Variants in DMD observed in about 807,000 individuals in gnomAD.
The protein encoded by DMD is dystrophin.
In DMD, 63 loss-of-function variants were observed where a neutral mutation model predicts 330.1. That is an observed-to-expected ratio of 0.19 (90% CI 0.16 to 0.24). DMD has a LOEUF of 0.24. DMD is among the 10% of genes least tolerant of loss of function. DMD has a pLI of 1.00. For missense variants in DMD, 3,344 were observed against 2,684.1 expected (o/e 1.25, Z -5.43); for synonymous variants, 1,223 against 959.8 (o/e 1.27, Z -5.07).
At chrX:32,723,717 G>T (rs1046276064) in intron 7 of DMD, among the ~76,000 whole-genome samples, 2 of 110,888 alleles carry the variant, frequency 1.8e-5, no homozygotes, top group African/African-American at 6.5e-5. Flanking sequence ...TAATTTGGTT[G>T]AATTCAGTAA....
chrX:32,283,054 G>A (rs950321658), intron 43 of DMD, among the ~76,000 whole-genome samples: 3 of 111,850 alleles, frequency 2.7e-5, no homozygotes, highest in African/African-American at 9.7e-5. Context: ...GGCCATGAGT[G>A]TTCTTGGGAG....
At chrX:31,512,785 T>C (rs1437243522) in intron 55 of DMD, among the ~76,000 whole-genome samples, 3 of 111,533 alleles carry the variant, frequency 2.7e-5, no homozygotes, top group African/African-American at 3.3e-5. Flanking sequence ...TCCAGCTTTG[T>C]TCTTTTGGCT....
At chrX:32,870,981 A>AAAAAAAAAGAAAAAAAAAG (rs1569537090) in intron 2 of DMD, among the ~76,000 whole-genome samples, 1 of 82,571 alleles carries the variant, frequency 1.2e-5, no homozygotes, top group East Asian at 3.9e-4. Flanking sequence ...AAAAAAAAAA[A>AAAAAAAAAGAAAAAAAAAG]AAAAAAACCA....
intron 12 of DMD, among the ~76,000 whole-genome samples, chrX:32,601,928 T>A (rs1300496784): frequency 8.9e-6 from 1 of 111,902 alleles, no homozygotes; most frequent in Non-Finnish European, 1.9e-5. Flanking sequence ...TATATCAAAG[T>A]TTTGAAACTA....
intron 52 of DMD, among the ~76,000 whole-genome samples, chrX:31,695,702 T>C (rs751613678): frequency 9.0e-6 from 1 of 111,333 alleles, no homozygotes; most frequent in Non-Finnish European, 1.9e-5. Flanking sequence ...ATCTCATTTG[T>C]ATGTGCAGTT....
intron 2 of DMD, among the ~76,000 whole-genome samples, chrX:32,869,721 T>C (rs1351034500): frequency 9.1e-6 from 1 of 109,768 alleles, no homozygotes; most frequent in African/African-American, 3.3e-5. Flanking sequence ...AAGGAATGAA[T>C]AGACGCAGAA....
chrX:32,660,902 TTAAGATAACA>T (rs2060900061), intron 9 of DMD, among the ~76,000 whole-genome samples: 1 of 111,461 alleles, frequency 9.0e-6, no homozygotes, highest in Non-Finnish European at 1.9e-5. Flanking sequence ...ATTCTACTAC[TTAAGATAACA>T]TAATCTATAA....
Position 31,138,749 on chromosome X carries a change from C to G in DMD, c.10922-4555G>C, listed in dbSNP as rs749536235. ...TCTCCTGAGAACTCACTCACTATCA[C>G]GAGAACAGCATGGGGGAAAACTTCT... On this transcript the variant is annotated intron_variant, in intron 76 of 78. Coordinates refer to ENST00000357033, the MANE Select transcript of DMD (RefSeq NM_004006.3). 2.7e-5 allele frequency among the ~76,000 whole-genome samples: 3 copies of G among 109,206 alleles called. No homozygotes were observed. In the South Asian group the frequency reaches 1.2e-3, roughly 45 times the overall value. The allele number at this position is 109,206 out of a possible 115,157, so 94.8% of individuals were successfully genotyped here. A position where few individuals can be genotyped will look rare whatever the true frequency, so the allele number is the denominator to read the frequency against.
chrX:32,044,424 A>T (rs1169339742), intron 44 of DMD, among the ~76,000 whole-genome samples: 1 of 97,455 alleles, frequency 1.0e-5, no homozygotes, highest in Admixed American at 1.2e-4. Flanking sequence ...TTATTTATTT[A>T]TTTAATTTTT....
intron 55 of DMD, among the ~76,000 whole-genome samples, chrX:31,538,995 G>A (rs988673001): frequency 8.9e-6 from 1 of 112,009 alleles, no homozygotes; most frequent in Non-Finnish European, 1.9e-5. Context: ...TCTTCATGGT[G>A]AGGGATGATT....
intron 44 of DMD, among the ~76,000 whole-genome samples, chrX:32,010,781 G>A (rs771928142): frequency 2.7e-5 from 3 of 111,996 alleles, no homozygotes; most frequent in East Asian, 2.8e-4. Flanking sequence ...TTATCCTAAC[G>A]TATGATAATA....
intron 6 of DMD, among the ~76,000 whole-genome samples, chrX:32,815,520 T>TATATATATATATATATATACACAC: frequency 1.3e-4 from 10 of 78,918 alleles, no homozygotes; most frequent in African/African-American, 4.8e-4. Context: ...TATATATATA[T>TATATATATATATATATATACACAC]ACACACACAC....
At chrX:32,704,292 C>T (rs779065111) in intron 7 of DMD, among the ~76,000 whole-genome samples, 9 of 90,648 alleles carry the variant, frequency 9.9e-5, no homozygotes, top group African/African-American at 5.9e-4. Context: ...GACCAAGTAT[C>T]GCACAAAGTT....
In DMD at chrX:31,994,937, G is replaced by A. The variant is rs200139851; in HGVS notation, c.6439-26423C>T. Among the ~76,000 whole-genome samples the A allele has an allele frequency of 6.2e-5, 7 of 112,075 alleles. No individual in the cohort carries two copies. The East Asian group carries it at 2.0e-3, about 32-fold the overall frequency. On this transcript the variant is annotated intron_variant, in intron 44 of 78. Coordinates refer to ENST00000357033, the MANE Select transcript of DMD (RefSeq NM_004006.3). ...TTGTCACTTGGTTCTCAAAGTGAAC[G>A]CGAAAGAAACTGAAGAATTCAAAGG... is the stretch of plus-strand genomic sequence containing the variant.
At chrX:32,095,703 TTTAA>T (rs1168631128) in intron 44 of DMD, among the ~76,000 whole-genome samples, 1 of 112,075 alleles carries the variant, frequency 8.9e-6, no homozygotes, top group Admixed American at 9.5e-5. Context: ...AATCTTGCAT[TTTAA>T]TTGTTGCTCC....
At chrX:33,282,721 T>C (rs1376467035) in intron 1 of DMD, among the ~76,000 whole-genome samples, 2 of 112,114 alleles carry the variant, frequency 1.8e-5, no homozygotes, top group Non-Finnish European at 3.8e-5. Flanking sequence ...TCCCATTCAA[T>C]AGCCCTTGCC....
chrX:32,405,840 G>T (rs1420861530), intron 30 of DMD, among the ~76,000 whole-genome samples: 2 of 111,492 alleles, frequency 1.8e-5, no homozygotes, highest in Non-Finnish European at 3.8e-5. Flanking sequence ...AATTACCTTG[G>T]GCAGTATGGC....
intron 1 of DMD, among the ~76,000 whole-genome samples, chrX:33,044,716 G>C (rs1006097750): frequency 1.8e-5 from 2 of 111,426 alleles, no homozygotes; most frequent in Non-Finnish European, 3.8e-5. Context: ...TAGATTCTAG[G>C]CCATCCTTAA....
chrX:32,655,285 A>G (rs930470636), intron 9 of DMD, among the ~76,000 whole-genome samples: 1 of 112,122 alleles, frequency 8.9e-6, no homozygotes, highest in Non-Finnish European at 1.9e-5. Flanking sequence ...AGTGCTATAA[A>G]TTTCCCTCTA....
Sources: gnomAD v4.1 joint callset for allele counts (sites outside exome capture counted in the v4.1 genomes callset) on GRCh38, gnomAD v4.1.1 for gene constraint, MANE v1.5 for transcripts, NCBI Gene and HGNC (gene_info 2026-07-23, HGNC 2026-07-21) for gene names.